The following NPS variants were observed in gnomAD, a reference collection of about 807,000 sequenced individuals.
The protein encoded by NPS is prepro-neuropeptide S.
NPS carries 6 observed loss-of-function variants against 7.2 expected under a neutral mutation model. The ratio of observed to expected loss-of-function variants is 0.83; its 90% confidence interval spans 0.46 to 1.64. The LOEUF (loss-of-function observed/expected upper bound fraction) is 1.64, where lower values mean the gene tolerates loss of function less well. Ranked by LOEUF, NPS falls within the 40% of genes most tolerant of loss-of-function variation. The pLI is 0.01. For missense variants in NPS, 123 were observed against 97.8 expected (o/e 1.26, Z -1.09); for synonymous variants, 42 against 36.7 (o/e 1.14, Z -0.52).
Position 127,552,915 on chromosome 10 carries a change from T to G in NPS, c.*276T>G, listed in dbSNP as rs1844871694. Among the ~76,000 whole-genome samples, 1 of 152,224 alleles carries G rather than the reference T, an allele frequency of 6.6e-6. No individual in the cohort carries two copies. The highest frequency in any genetic ancestry group is 2.4e-5 in the African/African-American group (1 of 41,468). On this transcript the variant is annotated 3_prime_UTR_variant, in exon 3 of 3. Coordinates refer to ENST00000398023, the MANE Select transcript of NPS (RefSeq NM_001030013.2). The stretch of plus-strand genomic sequence containing the variant: ...GGGATGGACACTTTTGCTTTGCTTT[T>G]AACTTGGCCAGAAAGCATGAGCATG...
Position 127,553,204 on chromosome 10 carries a change from T to C in NPS, c.*565T>C, listed in dbSNP as rs1227669603. Among the ~76,000 whole-genome samples, 1 of 152,220 alleles carries C rather than the reference T, an allele frequency of 6.6e-6. No individual in the cohort carries two copies. Among genetic ancestry groups the C allele is most frequent in the Non-Finnish European group, 1.5e-5 (1 of 68,036 alleles). On this transcript the variant is annotated 3_prime_UTR_variant, in exon 3 of 3. Transcript: ENST00000398023. ...CCTGGAGCACTCTAGATGTAATTCT[T>C]GTCTCCCTTTTCCTATTCCAAATAT...
Position 127,549,373 on chromosome 10 carries a change from T to G in NPS, c.5T>G (p.Ile2Ser). Residue 2 changes from isoleucine (I) to serine (S), a missense_variant, in exon 1 of 3, where the codon ATT (isoleucine) becomes AGT (serine). By Grantham distance (142) the Ile-to-Ser change is moderately radical. Coordinates refer to ENST00000398023, the MANE Select transcript of NPS (RefSeq NM_001030013.2). ...ACAGATTTTGGGAAGTCCAAAATGA[T>G]TAGGTAAAAGGCTACGTTTTTCTGC... is the stretch of plus-strand genomic sequence containing the variant. MISSVKLNLILV... is the reference protein window; with the variant it reads MSSSVKLNLILV... 1 of 1,609,088 alleles carries G rather than the reference T, an allele frequency of 6.2e-7. No homozygotes were observed. The highest frequency in any genetic ancestry group is 8.5e-7 in the Non-Finnish European group (1 of 1,176,166).
chr10:127,550,379 C>A (rs1194977051), intron 2 of NPS, among the ~76,000 whole-genome samples: 1 of 152,066 alleles, frequency 6.6e-6, no homozygotes, highest in Non-Finnish European at 1.5e-5. Flanking sequence ...TTGCATCTGT[C>A]ATTTTTCTAT....
Position 127,552,441 on chromosome 10 carries a change from C to T in NPS, c.91-19C>T, listed in dbSNP as rs1844866370. The T allele has an allele frequency of 3.3e-6, 5 of 1,497,836 alleles. No individual in the cohort carries two copies. The highest frequency in any genetic ancestry group is 2.8e-6 in the Non-Finnish European group (3 of 1,078,692). The allele number at this position is 1,497,836 out of a possible 1,614,324, so 92.8% of individuals were successfully genotyped here. A position where few individuals can be genotyped will look rare whatever the true frequency, so the allele number is the denominator to read the frequency against. ...CCTAAGGCTGTATTCTCTTTCTCCT[C>T]ACCCATCTGAATTGCCAGGTGTCTG... On this transcript the variant is annotated intron_variant, in intron 2 of 2. Coordinates refer to ENST00000398023, the MANE Select transcript of NPS (RefSeq NM_001030013.2).
chr10:127,549,385 C>T lies in NPS; in HGVS notation c.8+9C>T, dbSNP rs1844835280. 3.1e-6 allele frequency: 5 copies of T among 1,608,892 alleles called. No individual in the cohort carries two copies. The highest frequency in any genetic ancestry group is 3.4e-6 in the Non-Finnish European group (4 of 1,175,714). Reference sequence around the variant, plus strand: ...AAGTCCAAAATGATTAGGTAAAAGGCTACGTTTTTCTGCAAAGAAAAATGT... The same window carrying T: ...AAGTCCAAAATGATTAGGTAAAAGGTTACGTTTTTCTGCAAAGAAAAATGT... On this transcript the variant is annotated intron_variant, in intron 1 of 2. Transcript: ENST00000398023.
intron 2 of NPS, 92 bp from the exon 3 acceptor site, chr10:127,552,368 A>C (rs1006901095): frequency 3.4e-5 from 25 of 724,842 alleles, no homozygotes; most frequent in Non-Finnish European, 4.3e-5. Flanking sequence ...TATTGGATTT[A>C]TCGCCATACG....
chr10:127,551,452 T>C (rs1184233446), intron 2 of NPS, among the ~76,000 whole-genome samples: 1 of 152,102 alleles, frequency 6.6e-6, no homozygotes, highest in Non-Finnish European at 1.5e-5. Flanking sequence ...AAAGTATGAG[T>C]TTTACCTTGT....
Position 127,552,576 on chromosome 10 carries a change from G to C in NPS, c.207G>C (p.Arg69Ser). Residue 69 changes from arginine (R) to serine (S), a missense_variant, in exon 3 of 3, where the codon AGG (arginine) becomes AGC (serine). Transcript: ENST00000398023. ...TTTTGGAGAAGATGTTTGTGAAAAG[G>C]TCCTTTCGCAATGGAGTTGGCACAG... ...KPILEKMFVK[R>S]SFRNGVGTGM... 1 of 1,613,484 alleles carries C rather than the reference G, an allele frequency of 6.2e-7. No individual in the cohort carries two copies. The highest frequency in any genetic ancestry group is 8.5e-7 in the Non-Finnish European group (1 of 1,179,440).
intron 2 of NPS, among the ~76,000 whole-genome samples, chr10:127,550,475 C>T (rs944468037): frequency 1.3e-5 from 2 of 152,084 alleles, no homozygotes; most frequent in Admixed American, 1.3e-4. Flanking sequence ...CTATAAGACA[C>T]CACATTGATC....
At chr10:127,552,144 C>T (rs1591157735) in intron 2 of NPS, among the ~76,000 whole-genome samples, 1 of 152,222 alleles carries the variant, frequency 6.6e-6, no homozygotes, top group South Asian at 2.1e-4. Flanking sequence ...AAAAACAATT[C>T]CCAGGGCTAA....
At chr10:127,549,798 TCC>T (rs1844841684) in intron 2 of NPS, among the ~76,000 whole-genome samples, 1 of 152,252 alleles carries the variant, frequency 6.6e-6, no homozygotes, top group Non-Finnish European at 1.5e-5. Context: ...TAGGGTTGGC[TCC>T]TGCAAAGGGA....
In NPS at chr10:127,549,585, C is replaced by T. The variant is rs1420484161; in HGVS notation, c.90+15C>T. 1 of 1,449,864 alleles carries T rather than the reference C, an allele frequency of 6.9e-7. No individual in the cohort carries two copies. Among genetic ancestry groups the T allele is most frequent in the Non-Finnish European group, 9.7e-7 (1 of 1,030,980 alleles). 89.8% of individuals were successfully genotyped at this position (1,449,864 alleles called of 1,614,324 possible). On this transcript the variant is annotated intron_variant, in intron 2 of 2. Transcript: ENST00000398023. ...CATCTTCTAAGGTAAGGATTTGCCT[C>T]CGTTGTGGATATTTAAATAGATGAC...
intron 2 of NPS, among the ~76,000 whole-genome samples, chr10:127,550,398 T>G (rs1395118051): frequency 1.3e-5 from 2 of 152,214 alleles, no homozygotes; most frequent in Non-Finnish European, 2.9e-5. Context: ...ATTTCTTGTT[T>G]ATTTAATATA....
Position 127,553,243 on chromosome 10 carries a change from G to T in NPS, c.*604G>T, listed in dbSNP as rs1168610478. Among the ~76,000 whole-genome samples the T allele has an allele frequency of 6.6e-6, 1 of 152,020 alleles. No individual in the cohort carries two copies. Among genetic ancestry groups the T allele is most frequent in the South Asian group, 2.1e-4 (1 of 4,814 alleles). On this transcript the variant is annotated 3_prime_UTR_variant, in exon 3 of 3. Coordinates refer to ENST00000398023, the MANE Select transcript of NPS (RefSeq NM_001030013.2). ...TATTCCAAATATACTTAGCTATAGGGTGTTGTTTTGTTGTCTTGTCTTGGA... is the reference window on the plus strand; with the variant it reads ...TATTCCAAATATACTTAGCTATAGGTTGTTGTTTTGTTGTCTTGTCTTGGA...
At chr10:127,550,910 G>A (rs994597652) in intron 2 of NPS, among the ~76,000 whole-genome samples, 6 of 152,206 alleles carry the variant, frequency 3.9e-5, no homozygotes, top group African/African-American at 1.4e-4. Context: ...TAATGAGTCT[G>A]CCCTGGCAAG....
chr10:127,550,898 G>A (rs969869542), intron 2 of NPS, among the ~76,000 whole-genome samples: 3 of 152,196 alleles, frequency 2.0e-5, no homozygotes, highest in Admixed American at 6.5e-5. Context: ...ATCTTATTAT[G>A]TTAATGAGTC....
chr10:127,552,206 T>C (rs950331741), intron 2 of NPS, among the ~76,000 whole-genome samples: 3 of 152,202 alleles, frequency 2.0e-5, no homozygotes, highest in East Asian at 3.8e-4. Flanking sequence ...AGATAACTTA[T>C]GTGTAGTGCA....
At chr10:127,550,060 G>A (rs1347214110) in intron 2 of NPS, among the ~76,000 whole-genome samples, 1 of 152,016 alleles carries the variant, frequency 6.6e-6, no homozygotes, top group Non-Finnish European at 1.5e-5. Context: ...TACGTTCATT[G>A]AACTGTTCAA....
chr10:127,549,379 A>T lies in NPS; in HGVS notation c.8+3A>T. 6.2e-7 allele frequency: 1 copy of T among 1,609,712 alleles called. No individual in the cohort carries two copies. The highest frequency in any genetic ancestry group is 1.3e-5 in the African/African-American group (1 of 75,008). ...TTTGGGAAGTCCAAAATGATTAGGT[A>T]AAAGGCTACGTTTTTCTGCAAAGAA... On this transcript the variant is annotated splice_donor_region_variant and intron_variant, in intron 1 of 2. Coordinates refer to ENST00000398023, the MANE Select transcript of NPS (RefSeq NM_001030013.2).
Sources: gnomAD v4.1 joint callset for allele counts (sites outside exome capture counted in the v4.1 genomes callset) on GRCh38, gnomAD v4.1.1 for gene constraint, MANE v1.5 for transcripts, NCBI Gene and HGNC (gene_info 2026-07-23, HGNC 2026-07-21) for gene names.